TMEM9: variants seen among roughly 807,000 people sequenced by gnomAD.
TMEM9 encodes the protein transmembrane protein 9, also known as proton-transporting V-type ATPase complex assembly regulator TMEM9.
TMEM9 carries 13 observed loss-of-function variants against 22.8 expected under a neutral mutation model. That is an observed-to-expected ratio of 0.57 (90% CI 0.37 to 0.91). The LOEUF (loss-of-function observed/expected upper bound fraction) is 0.91, where lower values mean the gene tolerates loss of function less well. Ranked by LOEUF, TMEM9 falls within the 40% of genes least tolerant of loss-of-function variation. TMEM9 has a pLI of 0.01. For synonymous variants in TMEM9, 88 were observed against 93.0 expected, an observed-to-expected ratio of 0.95 and a Z score of 0.31; for missense variants, 182 against 238.1, an observed-to-expected ratio of 0.76 and a Z score of 1.55.
At chr1:201,137,054 T>C (rs945451186) in intron 4 of TMEM9, among the ~76,000 whole-genome samples, 4 of 152,200 alleles carry the variant, frequency 2.6e-5, no homozygotes, top group Non-Finnish European at 5.9e-5. Flanking sequence ...ATCTTGTGAG[T>C]GCTCCTCTCT....
chr1:201,142,300 G>C (rs1664594446), intron 4 of TMEM9, among the ~76,000 whole-genome samples: 1 of 152,194 alleles, frequency 6.6e-6, no homozygotes, highest in Non-Finnish European at 1.5e-5. Flanking sequence ...TCTCTTCGCT[G>C]TTCATGCTGG....
At chr1:201,148,706 A>G (rs1318547022) in intron 2 of TMEM9, among the ~76,000 whole-genome samples, 2 of 152,262 alleles carry the variant, frequency 1.3e-5, no homozygotes, top group African/African-American at 4.8e-5. Flanking sequence ...GTGTTGGATT[A>G]AGAATGGGAT....
chr1:201,139,707 G>C (rs893677842), intron 4 of TMEM9, among the ~76,000 whole-genome samples: 2 of 151,762 alleles, frequency 1.3e-5, no homozygotes, highest in Admixed American at 1.3e-4. Context: ...TGCTACTTAA[G>C]TATTAACACC....
At chr1:201,153,679 C>T (rs1388382140) in intron 1 of TMEM9, 179 bp downstream of exon 1, 1 of 1,450,482 alleles carries the variant, frequency 6.9e-7, no homozygotes, top group Non-Finnish European at 9.4e-7. Context: ...TCCTCACCCG[C>T]ACTATCCTTA....
chr1:201,146,881 G>A, intron 2 of TMEM9, 33 bp from the exon 3 acceptor site: 2 of 1,602,028 alleles, frequency 1.2e-6, no homozygotes, highest in Non-Finnish European at 1.7e-6. Flanking sequence ...TGTCGAGGCA[G>A]GGCCACCACG....
At chr1:201,140,311 T>C (rs1388942801) in intron 4 of TMEM9, among the ~76,000 whole-genome samples, 1 of 152,240 alleles carries the variant, frequency 6.6e-6, no homozygotes, top group Admixed American at 6.5e-5. Flanking sequence ...CATGTGTCTC[T>C]CTTCAAAGAG....
rs768759241 is a variant in TMEM9, at chr1:201,146,652, T to C, written c.267+88A>G. 2.2e-6 allele frequency: 3 copies of C among 1,364,704 alleles called. No individual in the cohort carries two copies. The African/African-American group carries it at 4.3e-5, about 19-fold the overall frequency. The allele number at this position is 1,364,704 out of a possible 1,614,324, so 84.5% of individuals were successfully genotyped here. Reference sequence around the variant, plus strand: ...TCATAGCCATTGGGACATTCCAGAATAAAGTGAAAAACTGTGGGTGTAGGC... The same window carrying C: ...TCATAGCCATTGGGACATTCCAGAACAAAGTGAAAAACTGTGGGTGTAGGC... On this transcript the variant is annotated intron_variant, in intron 3 of 4. Coordinates refer to ENST00000367330, the MANE Select transcript of TMEM9 (RefSeq NM_001288565.2).
intron 4 of TMEM9, among the ~76,000 whole-genome samples, chr1:201,142,631 C>T (rs1234934854): frequency 1.3e-5 from 2 of 152,206 alleles, no homozygotes; most frequent in Non-Finnish European, 1.5e-5. Context: ...AGGCGCTTCC[C>T]GACTAGATAT....
Position 201,143,769 on chromosome 1 carries a change from T to C in TMEM9, c.399+51A>G, listed in dbSNP as rs780932640. ...GGTGACGCTCCTCTGGGTTTTGCCCTGGGGACGCACATGCAGGGACCCAGG... is the reference window on the plus strand; with the variant it reads ...GGTGACGCTCCTCTGGGTTTTGCCCCGGGGACGCACATGCAGGGACCCAGG... On this transcript the variant is annotated intron_variant, in intron 4 of 4. Transcript: ENST00000367330. 3 of 1,602,904 alleles carry C rather than the reference T, an allele frequency of 1.9e-6. No individual in the cohort carries two copies. In the African/African-American group the frequency reaches 4.0e-5, roughly 21 times the overall value.
At chr1:201,170,841 G>T (rs1418571957) in intron 1 of TMEM9, among the ~76,000 whole-genome samples, 1 of 150,622 alleles carries the variant, frequency 6.6e-6, no homozygotes, top group Non-Finnish European at 1.5e-5. Context: ...CACTCCAGCC[G>T]TCCAATCCCG....
At position 201,154,098 on chromosome 1, in the gene TMEM9, G is replaced by T; in HGVS notation, c.-175C>A. On this transcript the variant is annotated 5_prime_UTR_variant, in exon 1 of 5. Coordinates refer to ENST00000367330, the MANE Select transcript of TMEM9 (RefSeq NM_001288565.2). ...ATTCCAAGGCCTGCTAAACCTGGTC[G>T]CCAAACCCTGCTTCCCTCCCGCCCA... is the stretch of plus-strand genomic sequence containing the variant. The T allele has an allele frequency of 1.4e-6, 1 of 718,118 alleles. No individual in the cohort carries two copies. The highest frequency in any genetic ancestry group is 2.2e-6 in the Non-Finnish European group (1 of 453,838). The allele number at this position is 718,118 out of a possible 1,614,324, so 44.5% of individuals were successfully genotyped here. A position where few individuals can be genotyped will look rare whatever the true frequency, so the allele number is the denominator to read the frequency against.
At chr1:201,151,318 CCT>C (rs899576660) in intron 2 of TMEM9, among the ~76,000 whole-genome samples, 7 of 152,172 alleles carry the variant, frequency 4.6e-5, no homozygotes, top group Non-Finnish European at 7.3e-5. Context: ...TTTCTTTGGG[CCT>C]CTGTCTCTGC....
In TMEM9 at chr1:201,135,638, C is replaced by A; in HGVS notation, c.*25G>T. 1 of 1,585,050 alleles carries A rather than the reference C, an allele frequency of 6.3e-7. No homozygotes were observed. On this transcript the variant is annotated 3_prime_UTR_variant, in exon 5 of 5. Coordinates refer to ENST00000367330, the MANE Select transcript of TMEM9 (RefSeq NM_001288565.2). ...GAAGCTGGCAGCCATGGTGTTGGGG[C>A]CTTGACCCAACCACACCAGCCCATC...
intron 3 of TMEM9, among the ~76,000 whole-genome samples, chr1:201,146,161 G>T (rs1202918800): frequency 6.6e-6 from 1 of 152,182 alleles, no homozygotes. Flanking sequence ...CAGACACCTC[G>T]TGACGTCTAT....
chr1:201,154,349 G>A lies in TMEM9; in HGVS notation c.-426C>T, dbSNP rs1376633220. The A allele has an allele frequency of 5.8e-6, 1 of 173,254 alleles. No homozygotes were observed. The highest frequency in any genetic ancestry group is 2.4e-5 in the African/African-American group (1 of 41,650). The allele number at this position is 173,254 out of a possible 1,614,324, so 10.7% of individuals were successfully genotyped here. A position where few individuals can be genotyped will look rare whatever the true frequency, so the allele number is the denominator to read the frequency against. On this transcript the variant is annotated 5_prime_UTR_variant, in exon 1 of 5. Coordinates refer to ENST00000367330, the MANE Select transcript of TMEM9 (RefSeq NM_001288565.2). The stretch of plus-strand genomic sequence containing the variant: ...CTGGGACCCCTGCTCCGACGGCGAA[G>A]GCCGGTGCCCACCACGCCCAGAGGT...
At chr1:201,162,084 G>A (rs1291565159) in intron 1 of TMEM9, among the ~76,000 whole-genome samples, 1 of 152,100 alleles carries the variant, frequency 6.6e-6, no homozygotes, top group Non-Finnish European at 1.5e-5. Flanking sequence ...TAATACATAT[G>A]AGTGATCAAG....
chr1:201,165,178 A>T (rs1274191823), intron 1 of TMEM9, among the ~76,000 whole-genome samples: 3 of 137,680 alleles, frequency 2.2e-5, no homozygotes, highest in South Asian at 2.3e-4. Context: ...ATATATATAT[A>T]TTCATTATCA....
chr1:201,168,931 C>A (rs1666145841), intron 1 of TMEM9, among the ~76,000 whole-genome samples: 1 of 151,002 alleles, frequency 6.6e-6, no homozygotes. Flanking sequence ...AGCTGGGACT[C>A]CAAGCTTGTG....
chr1:201,150,744 G>A (rs1197142590), intron 2 of TMEM9, among the ~76,000 whole-genome samples: 2 of 152,132 alleles, frequency 1.3e-5, no homozygotes, highest in Non-Finnish European at 1.5e-5. Context: ...AAAGGTTACT[G>A]CCTCCCCTCA....
Sources: allele counts gnomAD v4.1 joint callset (sites outside exome capture counted in the v4.1 genomes callset), GRCh38; gene constraint gnomAD v4.1.1; transcripts MANE v1.5; gene names NCBI Gene and HGNC (gene_info 2026-07-23, HGNC 2026-07-21).